Variants in KCNAB1 observed in about 807,000 individuals in gnomAD.
KCNAB1 encodes potassium voltage-gated channel subfamily A regulatory beta subunit 1.
KCNAB1 carries 35 observed loss-of-function variants against 64.6 expected under a neutral mutation model. That is an observed-to-expected ratio of 0.54 (90% confidence interval 0.41 to 0.72). KCNAB1 has a LOEUF of 0.72. Among genes scored for constraint, KCNAB1 ranks in the 30% least tolerant of loss-of-function variants. The pLI is 0.00. For synonymous variants in KCNAB1, 177 were observed against 183.8 expected, an observed-to-expected ratio of 0.96 and a Z score of 0.30; for missense variants, 401 against 512.9, an observed-to-expected ratio of 0.78 and a Z score of 2.11.
intron 1 of KCNAB1, chr3:156,176,861 G>T: frequency 3.5e-6 from 4 of 1,129,578 alleles, no homozygotes; most frequent in Non-Finnish European, 4.0e-6. Context: ...GCTGCCGCTT[G>T]ACTGGGACCA....
At chr3:156,464,605 C>T (rs1487734379) in intron 6 of KCNAB1, among the ~76,000 whole-genome samples, 3 of 152,120 alleles carry the variant, frequency 2.0e-5, no homozygotes, top group African/African-American at 4.8e-5. Context: ...GAGGCCAATT[C>T]TTCTTTAGGA....
intron 1 of KCNAB1, among the ~76,000 whole-genome samples, chr3:156,403,129 T>G (rs1157648366): frequency 6.6e-6 from 1 of 152,240 alleles, no homozygotes; most frequent in Admixed American, 6.5e-5. Context: ...TAATTCCATC[T>G]CTTCTGATTT....
chr3:156,414,779 G>A (rs1051436269), intron 1 of KCNAB1, among the ~76,000 whole-genome samples: 1 of 152,164 alleles, frequency 6.6e-6, no homozygotes, highest in Non-Finnish European at 1.5e-5. Flanking sequence ...CTTGAGACAG[G>A]AAAAGCAAAG....
At chr3:156,191,684 C>G (rs761078668) in intron 1 of KCNAB1, among the ~76,000 whole-genome samples, 5 of 151,978 alleles carry the variant, frequency 3.3e-5, no homozygotes, top group Non-Finnish European at 7.4e-5. Flanking sequence ...AAAATACTTT[C>G]AAAAAAATGT....
At chr3:156,147,486 G>A (rs1468622334) in intron 1 of KCNAB1, among the ~76,000 whole-genome samples, 1 of 152,080 alleles carries the variant, frequency 6.6e-6, no homozygotes, top group East Asian at 1.9e-4. Flanking sequence ...AACCATATTG[G>A]CCACTTTGGG....
chr3:156,452,467 A>T lies in KCNAB1; in HGVS notation c.320-432A>T, dbSNP rs1439105798. Reference sequence around the variant, plus strand: ...TTTTGAAAAGTAATAATGAATAAAAAATACAGCCACTATTTGGAGGCAAAG... The same window carrying T: ...TTTTGAAAAGTAATAATGAATAAAATATACAGCCACTATTTGGAGGCAAAG... On this transcript the variant is annotated intron_variant, in intron 2 of 13. Coordinates refer to ENST00000490337, the MANE Select transcript of KCNAB1 (RefSeq NM_172160.3). This position sits in a 1 kb window ranked among gnomAD's most constrained non-coding sequence, Gnocchi z 4.6. Among the ~76,000 whole-genome samples the T allele has an allele frequency of 6.6e-6, 1 of 152,244 alleles. No individual in the cohort carries two copies.
chr3:156,353,857 T>C (rs1297051546), intron 1 of KCNAB1, among the ~76,000 whole-genome samples: 2 of 152,118 alleles, frequency 1.3e-5, no homozygotes, highest in African/African-American at 2.4e-5. Context: ...TGCGACATTC[T>C]ATTTGCTAGG....
chr3:156,536,588 T>A, intron 13 of KCNAB1, 70 bp from the exon 14 acceptor site: 1 of 1,050,940 alleles, frequency 9.5e-7, no homozygotes, highest in Non-Finnish European at 1.5e-6. Context: ...CTTTGCTAAA[T>A]ATAGAGCACA....
intron 13 of KCNAB1, among the ~76,000 whole-genome samples, chr3:156,535,167 C>T (rs1158884110): frequency 1.3e-5 from 2 of 152,166 alleles, no homozygotes; most frequent in African/African-American, 2.4e-5. Context: ...AAAACATTAA[C>T]CAGAATGAAG....
At position 156,525,052 on chromosome 3, in the gene KCNAB1, T is replaced by C. The variant is rs75783731; in HGVS notation, c.1081+1105T>C. ...AGCACACACAATCATGTACAGTACATAATACTTGATAATGATAATAAATGA... is the reference window on the plus strand; with the variant it reads ...AGCACACACAATCATGTACAGTACACAATACTTGATAATGATAATAAATGA... On this transcript the variant is annotated intron_variant, in intron 12 of 13. Coordinates refer to ENST00000490337, the MANE Select transcript of KCNAB1 (RefSeq NM_172160.3). 2.4e-3 allele frequency among the ~76,000 whole-genome samples: 365 copies of C among 152,284 alleles called. 2 individuals are homozygous for C. Among genetic ancestry groups the C allele is most frequent in the Admixed American group, 3.9e-3 (59 of 15,298 alleles).
intron 1 of KCNAB1, among the ~76,000 whole-genome samples, chr3:156,342,737 A>G (rs974516923): frequency 6.6e-6 from 1 of 151,690 alleles, no homozygotes; most frequent in East Asian, 1.9e-4. Context: ...CATTAGGTAT[A>G]TCTCCCAATG....
At chr3:156,288,984 A>G (rs549871568) in intron 1 of KCNAB1, among the ~76,000 whole-genome samples, 2 of 151,906 alleles carry the variant, frequency 1.3e-5, no homozygotes, top group East Asian at 1.9e-4. Flanking sequence ...TCTCTCAATT[A>G]TTTATAGAGT....
chr3:156,129,679 G>A (rs1366396915), intron 1 of KCNAB1, among the ~76,000 whole-genome samples: 1 of 152,204 alleles, frequency 6.6e-6, no homozygotes, highest in Admixed American at 6.5e-5. Flanking sequence ...ACAATGCTGA[G>A]TGCATAGGAA....
intron 1 of KCNAB1, among the ~76,000 whole-genome samples, chr3:156,356,078 T>G (rs1350666217): frequency 7.2e-6 from 1 of 139,424 alleles, no homozygotes; most frequent in Non-Finnish European, 1.5e-5. Flanking sequence ...GCCATGATCA[T>G]GCCACTGCAC....
intron 1 of KCNAB1, among the ~76,000 whole-genome samples, chr3:156,153,307 G>T (rs1274638147): frequency 6.6e-6 from 1 of 152,146 alleles, no homozygotes; most frequent in African/African-American, 2.4e-5. Context: ...GTAGGAAATA[G>T]GTCCTTAAAT....
In KCNAB1 at chr3:156,336,002, A is replaced by G. The variant is rs1205188759; in HGVS notation, c.276-85614A>G. On this transcript the variant is annotated intron_variant, in intron 1 of 13. Transcript: ENST00000490337. ...TACTTGGGAGTAAAAAGTCAGAAAC[A>G]TTGGTTACAATTCTAGGAACTATAA... 2.6e-5 allele frequency among the ~76,000 whole-genome samples: 4 copies of G among 152,178 alleles called. No homozygotes were observed. The East Asian group carries it at 7.7e-4, about 29-fold the overall frequency.
intron 1 of KCNAB1, among the ~76,000 whole-genome samples, chr3:156,274,953 G>A (rs1302090714): frequency 6.6e-6 from 1 of 152,186 alleles, no homozygotes; most frequent in Non-Finnish European, 1.5e-5. Context: ...CATGCTGTCT[G>A]TGGATCTCCA....
intron 1 of KCNAB1, among the ~76,000 whole-genome samples, chr3:156,401,997 T>C (rs1179045097): frequency 6.6e-6 from 1 of 151,930 alleles, no homozygotes; most frequent in Non-Finnish European, 1.5e-5. Flanking sequence ...CTGGGTCCTG[T>C]CGGGGACTGG....
At chr3:156,206,358 C>CT (rs955792983) in intron 1 of KCNAB1, among the ~76,000 whole-genome samples, 2 of 152,208 alleles carry the variant, frequency 1.3e-5, no homozygotes, top group African/African-American at 4.8e-5. Context: ...CAAAACCATA[C>CT]TGTGGTTGTG....
Sources: allele counts gnomAD v4.1 joint callset (sites outside exome capture counted in the v4.1 genomes callset), GRCh38; gene constraint gnomAD v4.1.1; non-coding constraint Gnocchi (gnomAD v3.1); transcripts MANE v1.5; gene names NCBI Gene and HGNC (gene_info 2026-07-23, HGNC 2026-07-21).